The following DEPDC4 variants were observed in gnomAD, a reference collection of about 807,000 sequenced individuals.
The protein encoded by DEPDC4 is DEP domain containing 4.
A neutral mutation model predicts 52.0 loss-of-function variants in DEPDC4; 52 were observed. That is an observed-to-expected ratio of 1.00 (90% CI 0.80 to 1.26). The LOEUF is 1.26. DEPDC4 is among the 50% of genes most tolerant of loss of function. The pLI is 0.00. For missense variants in DEPDC4, 530 were observed against 546.9 expected, an observed-to-expected ratio of 0.97 and a Z score of 0.31; for synonymous variants, 201 against 196.8, an observed-to-expected ratio of 1.02 and a Z score of -0.18.
intron 7 of DEPDC4, among the ~76,000 whole-genome samples, chr12:100,251,010 A>T (rs2096205332): frequency 6.6e-6 from 1 of 152,124 alleles, no homozygotes; most frequent in South Asian, 2.1e-4. Flanking sequence ...ACTTAGTACC[A>T]CCTTTTTCTT....
chr12:100,253,509 G>C lies in DEPDC4; in HGVS notation c.1085C>G (p.Ser362Ter). ...LLTDEYFDIH[S>*]GIIELLENEK... ...CTTACCTAAAAGTTCAATAATTCCT[G>C]AATGAATATCAAAATACTCATCAGT... is the stretch of plus-strand genomic sequence containing the variant. Residue 362 changes from serine to a stop codon, truncating the protein, a stop_gained, in exon 5 of 10, where the codon TCA becomes TGA. Transcript: ENST00000550587. LOFTEE classifies it high-confidence loss of function. 1.6e-6 allele frequency: 2 copies of C among 1,272,908 alleles called. No individual in the cohort carries two copies. The highest frequency in any genetic ancestry group is 2.0e-6 in the Non-Finnish European group (2 of 976,276). The allele number at this position is 1,272,908 out of a possible 1,614,324, so 78.9% of individuals were successfully genotyped here. A position where few individuals can be genotyped will look rare whatever the true frequency, so the allele number is the denominator to read the frequency against.
At chr12:100,234,371 G>T (rs1194611925) in intron 9 of DEPDC4, among the ~76,000 whole-genome samples, 2 of 152,134 alleles carry the variant, frequency 1.3e-5, no homozygotes, top group East Asian at 3.9e-4. Flanking sequence ...AAACCTCAAG[G>T]GTAAGGGAGA....
downstream of DEPDC4, among the ~76,000 whole-genome samples, chr12:100,239,489 C>T (rs2096150308): frequency 6.6e-6 from 1 of 152,074 alleles, no homozygotes; most frequent in Non-Finnish European, 1.5e-5. Flanking sequence ...GATCCTCCCA[C>T]TTCAGTCTCC....
chr12:100,248,242 G>C (rs907634888), intron 8 of DEPDC4, among the ~76,000 whole-genome samples: 1 of 151,896 alleles, frequency 6.6e-6, no homozygotes, highest in South Asian at 2.1e-4. Flanking sequence ...ACTGCACAAA[G>C]AAATAGATAT....
At chr12:100,238,631 AC>A (rs1190300706), downstream of DEPDC4, among the ~76,000 whole-genome samples, 89 of 148,530 alleles carry the variant, frequency 6.0e-4, 1 homozygote, top group Non-Finnish European at 7.4e-5. Context: ...GACTATAGGC[AC>A]CCACCACTGT....
rs1026589578 is a variant in DEPDC4 at position 100,253,644 on chromosome 12, C to T, written c.950G>A (p.Ser317Asn). Reference sequence around the variant, plus strand: ...ATTTCTGTTTTGCATTAACTGCTGACTAACTGTAACTATTAACTGGTCAGG... The same window carrying T: ...ATTTCTGTTTTGCATTAACTGCTGATTAACTGTAACTATTAACTGGTCAGG... ...YFPDQLIVTVSQQLMQNRNEE... is the reference protein window; with the variant it reads ...YFPDQLIVTVNQQLMQNRNEE... Residue 317 changes from serine (S) to asparagine (N), a missense_variant, in exon 5 of 10, where the codon AGT becomes AAT. Ser to Asn is a conservative substitution (Grantham distance 46). Coordinates refer to ENST00000550587, the MANE Select transcript of DEPDC4 (RefSeq NM_001364818.2). The T allele has an allele frequency of 7.8e-7, 1 of 1,289,724 alleles. No homozygotes were observed. The highest frequency in any genetic ancestry group is 1.5e-5 in the African/African-American group (1 of 65,852). 79.9% of individuals were successfully genotyped at this position (1,289,724 alleles called of 1,614,324 possible). A position where few individuals can be genotyped will look rare whatever the true frequency, so the allele number is the denominator to read the frequency against.
the DEPDC4 span, among the ~76,000 whole-genome samples, chr12:100,274,557 C>G: frequency 1.3e-5 from 2 of 152,168 alleles, no homozygotes; most frequent in Non-Finnish European, 2.9e-5. Flanking sequence ...TCTTATCAAA[C>G]TTCCTTGTGC....
At chr12:100,245,611 T>C (rs1478718693) in intron 8 of DEPDC4, among the ~76,000 whole-genome samples, 2 of 152,200 alleles carry the variant, frequency 1.3e-5, no homozygotes, top group Admixed American at 6.5e-5. Flanking sequence ...TTGTTGCCAA[T>C]TTTACCTCCT....
Position 100,247,921 on chromosome 12 carries a change from C to T in DEPDC4, c.1453+979G>A, listed in dbSNP as rs77527642. Among the ~76,000 whole-genome samples the T allele has an allele frequency of 2.3e-3, 351 of 152,238 alleles. 8 individuals are homozygous for T. In the East Asian group the frequency reaches 0.04, roughly 17 times the overall value. ...TTTTGCCCTGCCACAACCCTTGAAA[C>T]ATCTTTTTAAAGAAAAAAAATCACC... On this transcript the variant is annotated intron_variant, in intron 8 of 9. Coordinates refer to ENST00000550587, the MANE Select transcript of DEPDC4 (RefSeq NM_001364818.2).
rs777837060 is a variant in DEPDC4, at chr12:100,263,739, A to G, written c.312T>C (p.Leu104=). 2 of 1,614,170 alleles carry G rather than the reference A, an allele frequency of 1.2e-6. No individual in the cohort carries two copies. Among genetic ancestry groups the G allele is most frequent in the Admixed American group, 1.7e-5 (1 of 60,022 alleles). Residue 104 remains leucine, a synonymous_variant, in exon 2 of 10, where the codon CTT becomes CTC. Coordinates refer to ENST00000550587, the MANE Select transcript of DEPDC4 (RefSeq NM_001364818.2). ...TGCTACTTAGGCACGTGTTTTGCAT[A>G]AGATGACTTAAGACCACATCGACAG... ...SDAVDVVLSH[L]MQNTCLSSND...
In DEPDC4 at chr12:100,244,095, G is replaced by GTATATATA. The variant is rs774444544; in HGVS notation, c.1454-1534_1454-1527dup. 1.7e-3 allele frequency among the ~76,000 whole-genome samples: 90 copies of GTATATATA among 51,626 alleles called. 1 individual carries two copies. Among genetic ancestry groups the GTATATATA allele is most frequent in the Non-Finnish European group, 2.2e-3 (58 of 25,794 alleles). The allele number at this position is 51,626 out of a possible 152,430, so 33.9% of individuals were successfully genotyped here. The stretch of plus-strand genomic sequence containing the variant: ...CCTCTCTCTCTCTCTCTCTCTCTGT[G>GTATATATA]TATATATATATATATATATATATAT... On this transcript the variant is annotated intron_variant, in intron 8 of 9. Coordinates refer to ENST00000550587, the MANE Select transcript of DEPDC4 (RefSeq NM_001364818.2).
chr12:100,236,512 G>C (rs182096768), downstream of DEPDC4, among the ~76,000 whole-genome samples: 14 of 151,940 alleles, frequency 9.2e-5, no homozygotes, highest in Admixed American at 1.3e-4. Flanking sequence ...TTCTATTCAT[G>C]TCCTTAGCCC....
upstream of DEPDC4, among the ~76,000 whole-genome samples, chr12:100,268,197 C>G (rs1305432490): frequency 1.3e-5 from 2 of 152,150 alleles, no homozygotes; most frequent in Non-Finnish European, 2.9e-5. Flanking sequence ...TTTAGTACGT[C>G]AAACTCAGGA....
intron 3 of DEPDC4, among the ~76,000 whole-genome samples, chr12:100,260,824 A>G (rs2096250957): frequency 6.6e-6 from 1 of 152,068 alleles, no homozygotes; most frequent in African/African-American, 2.4e-5. Context: ...TGAACCTGGG[A>G]GGCAGAGTTT....
At position 100,241,710 on chromosome 12, in the gene DEPDC4, A is replaced by G. The variant is rs770713709; in HGVS notation, c.*182T>C. ...TGGATGGTGTTTTTGAAATTCCTTA[A>G]TTAATTTCTTTTTTCGTTTCAGAGA... On this transcript the variant is annotated 3_prime_UTR_variant, in exon 10 of 10. Transcript: ENST00000550587. The G allele has an allele frequency of 3.2e-6, 4 of 1,261,340 alleles. No individual in the cohort carries two copies. In the South Asian group the frequency reaches 4.0e-5, roughly 13 times the overall value. 78.1% of individuals were successfully genotyped at this position (1,261,340 alleles called of 1,614,324 possible). A position where few individuals can be genotyped will look rare whatever the true frequency, so the allele number is the denominator to read the frequency against.
In DEPDC4 at chr12:100,252,470, A is replaced by C; in HGVS notation, c.1172T>G (p.Ile391Ser). Reference protein sequence around the residue: ...QLYLRLLLLNIREELRRLLTF... With the variant: ...QLYLRLLLLNSREELRRLLTF... ...AAGTAGCCGTCGTAATTCTTCTCTA[A>C]TGTTCAGCAACAGCAATCTTAGATA... The change falls in exon 6 of 10, where the codon ATT becomes AGT. Residue 391 changes from isoleucine (I) to serine (S), a missense_variant. Transcript: ENST00000550587. 6.2e-7 allele frequency: 1 copy of C among 1,608,150 alleles called. No homozygotes were observed. Among genetic ancestry groups the C allele is most frequent in the Non-Finnish European group, 8.5e-7 (1 of 1,179,842 alleles).
intron 9 of DEPDC4, among the ~76,000 whole-genome samples, chr12:100,232,222 T>C (rs2096135766): frequency 6.6e-6 from 1 of 151,418 alleles, no homozygotes; most frequent in Non-Finnish European, 1.5e-5. Context: ...TGAAACCCTG[T>C]CTCTACTAAA....
intron 8 of DEPDC4, among the ~76,000 whole-genome samples, chr12:100,246,647 A>G (rs1244098452): frequency 2.0e-5 from 3 of 152,194 alleles, no homozygotes; most frequent in African/African-American, 7.2e-5. Flanking sequence ...ATGAATTTCA[A>G]GTAATCAGGC....
the DEPDC4 span, among the ~76,000 whole-genome samples, chr12:100,278,025 TTC>T: frequency 6.6e-6 from 1 of 152,202 alleles, no homozygotes; most frequent in Admixed American, 6.5e-5. Context: ...TCCCCTCCTG[TTC>T]TTTCTTGTTA....
Sources: gnomAD v4.1 joint callset for allele counts (sites outside exome capture counted in the v4.1 genomes callset) on GRCh38, gnomAD v4.1.1 for gene constraint, MANE v1.5 for transcripts, NCBI Gene and HGNC (gene_info 2026-07-23, HGNC 2026-07-21) for gene names.